The following CHN2 variants were observed in gnomAD, a reference collection of about 807,000 sequenced individuals.
The protein encoded by CHN2 is chimerin 2, also known as beta-chimaerin.
Under a neutral mutation model 56.3 loss-of-function variants are expected in CHN2, and 35 were observed. That is an observed-to-expected ratio of 0.62 (90% CI 0.47 to 0.82). The LOEUF is 0.82. Ranked by LOEUF, CHN2 falls within the 40% of genes least tolerant of loss-of-function variation. CHN2 has a pLI of 0.00. For synonymous variants in CHN2, 210 were observed against 212.8 expected, an observed-to-expected ratio of 0.99 and a Z score of 0.12; for missense variants, 491 against 580.5, an observed-to-expected ratio of 0.85 and a Z score of 1.58.
At chr7:29,371,152 CT>C (rs780930590) in intron 3 of CHN2, among the ~76,000 whole-genome samples, 1 of 152,172 alleles carries the variant, frequency 6.6e-6, no homozygotes, top group Non-Finnish European at 1.5e-5. Context: ...AGAACAGGCT[CT>C]GAACTGGTCA....
chr7:29,177,743 C>G (rs888386675), intron 2 of CHN2, among the ~76,000 whole-genome samples: 3 of 152,082 alleles, frequency 2.0e-5, no homozygotes, highest in East Asian at 3.9e-4. Context: ...TACCCCAACC[C>G]TCTTTACTTC....
chr7:29,314,267 T>G (rs776106805), intron 1 of CHN2, among the ~76,000 whole-genome samples: 3 of 152,228 alleles, frequency 2.0e-5, no homozygotes, highest in Non-Finnish European at 2.9e-5. Flanking sequence ...GAGGCCATTA[T>G]GCTAAGTAAA....
At chr7:29,162,661 CAAAAA>C (rs35159645) in intron 2 of CHN2, among the ~76,000 whole-genome samples, 1 of 58,360 alleles carries the variant, frequency 1.7e-5, no homozygotes. Flanking sequence ...AACTCCATCT[CAAAAA>C]AAAAAAAAAA....
intron 1 of CHN2, among the ~76,000 whole-genome samples, chr7:29,281,787 G>A (rs1326498245): frequency 1.3e-5 from 2 of 152,206 alleles, no homozygotes; most frequent in Non-Finnish European, 2.9e-5. Flanking sequence ...TCCCCTAAGA[G>A]ATATTTATCA....
chr7:29,389,884 G>A lies in CHN2; in HGVS notation c.145-3795G>A, dbSNP rs535782436. Among the ~76,000 whole-genome samples, 12 of 151,196 alleles carry A rather than the reference G, an allele frequency of 7.9e-5. 1 individual carries two copies. The highest frequency in any genetic ancestry group is 4.2e-4 in the South Asian group (2 of 4,744). On this transcript the variant is annotated intron_variant, in intron 3 of 12. Coordinates refer to ENST00000222792, the MANE Select transcript of CHN2 (RefSeq NM_004067.4). Reference sequence around the variant, plus strand: ...GCCTGGGCAACATGGTGAAACCCCCGTCTCTACTAAAATACAAAAATTAGC... The same window carrying A: ...GCCTGGGCAACATGGTGAAACCCCCATCTCTACTAAAATACAAAAATTAGC...
chr7:29,198,599 C>G (rs1043492243), intron 1 of CHN2, among the ~76,000 whole-genome samples: 1 of 152,020 alleles, frequency 6.6e-6, no homozygotes, highest in Non-Finnish European at 1.5e-5. Flanking sequence ...CTTTGATTAC[C>G]TTTATTATTT....
In CHN2 at chr7:29,147,773, A is replaced by G. The variant is rs1792961796; in HGVS notation, c.274+813A>G. Among the ~76,000 whole-genome samples, 5 of 152,250 alleles carry G rather than the reference A, an allele frequency of 3.3e-5. 1 individual carries two copies. In the South Asian group the frequency reaches 1.0e-3, roughly 32 times the overall value. On this transcript the variant is annotated intron_variant, in intron 2 of 6. Coordinates refer to the CHN2 transcript ENST00000439384. Reference sequence around the variant, plus strand: ...CAGGACCCAGGGCAAAAGTACAAACAGAGATCTGTAGGCCAGATACCTAAA... The same window carrying G: ...CAGGACCCAGGGCAAAAGTACAAACGGAGATCTGTAGGCCAGATACCTAAA...
At chr7:29,500,323 C>T (rs1789829468) in intron 9 of CHN2, among the ~76,000 whole-genome samples, 1 of 152,118 alleles carries the variant, frequency 6.6e-6, no homozygotes, top group Admixed American at 6.5e-5. Flanking sequence ...CCATTCTCAC[C>T]TTCAAGAAAT....
At chr7:29,393,938 C>T (rs983199705) in intron 4 of CHN2, among the ~76,000 whole-genome samples, 3 of 152,118 alleles carry the variant, frequency 2.0e-5, no homozygotes, top group Non-Finnish European at 4.4e-5. Context: ...ACTTTTCCCT[C>T]CACAAAAGAG....
intron 6 of CHN2, among the ~76,000 whole-genome samples, chr7:29,440,159 C>A (rs965811009): frequency 2.0e-5 from 3 of 152,196 alleles, no homozygotes; most frequent in African/African-American, 7.2e-5. Flanking sequence ...TAGCAAGGTT[C>A]ATCCCCCTCA....
intron 3 of CHN2, among the ~76,000 whole-genome samples, chr7:29,388,794 A>C (rs922253217): frequency 1.3e-5 from 2 of 152,234 alleles, no homozygotes; most frequent in Non-Finnish European, 2.9e-5. Context: ...TGATGAGACC[A>C]TTGGGCTGAA....
At chr7:29,174,262 T>C (rs529406149) in intron 2 of CHN2, among the ~76,000 whole-genome samples, 11 of 152,340 alleles carry the variant, frequency 7.2e-5, no homozygotes, top group Non-Finnish European at 2.9e-5. Flanking sequence ...AGCAAAGCCC[T>C]CTGCCTCTGG....
At chr7:29,190,948 T>C (rs972536670), upstream of CHN2, among the ~76,000 whole-genome samples, 18 of 151,988 alleles carry the variant, frequency 1.2e-4, no homozygotes, top group Admixed American at 2.0e-4. Flanking sequence ...TTTTTTTTTT[T>C]CCCTGAGACA....
chr7:29,164,679 G>T (rs1795658118), intron 2 of CHN2, among the ~76,000 whole-genome samples: 2 of 151,228 alleles, frequency 1.3e-5, no homozygotes, highest in Non-Finnish European at 2.9e-5. Flanking sequence ...ATCCCTGGTG[G>T]CTGAGGCAGG....
intron 1 of CHN2, among the ~76,000 whole-genome samples, chr7:29,268,283 AACACACAC>A (rs145638795): frequency 6.7e-5 from 9 of 134,244 alleles, no homozygotes; most frequent in Admixed American, 3.8e-4. Flanking sequence ...GCTTCACCAG[AACACACAC>A]ACACACACAC....
intron 1 of CHN2, among the ~76,000 whole-genome samples, chr7:29,278,825 C>A (rs1791437982): frequency 6.6e-6 from 1 of 152,040 alleles, no homozygotes; most frequent in Admixed American, 6.6e-5. Context: ...TAAAATTGGC[C>A]CCCTTGGTCT....
intron 3 of CHN2, among the ~76,000 whole-genome samples, chr7:29,386,002 AG>A (rs1211753512): frequency 1.3e-5 from 2 of 152,210 alleles, no homozygotes; most frequent in Non-Finnish European, 2.9e-5. Flanking sequence ...TATTACAGAA[AG>A]ACTGACCAGT....
chr7:29,181,795 A>G (rs1163121044), intron 2 of CHN2, among the ~76,000 whole-genome samples: 1 of 152,188 alleles, frequency 6.6e-6, no homozygotes, highest in African/African-American at 2.4e-5. Context: ...TTTTTTCCAC[A>G]TGAATGTTCA....
chr7:29,195,595 C>CAA (rs1783588342), intron 1 of CHN2: 1 of 96,062 alleles, frequency 1.0e-5, no homozygotes, highest in Non-Finnish European at 2.0e-5. Context: ...GGCACATTTA[C>CAA]GAGAGAGAGA....
Sources: allele counts gnomAD v4.1 joint callset (sites outside exome capture counted in the v4.1 genomes callset), GRCh38; gene constraint gnomAD v4.1.1; transcripts MANE v1.5; gene names NCBI Gene and HGNC (gene_info 2026-07-23, HGNC 2026-07-21).